UVRAG: variants seen among roughly 807,000 people sequenced by gnomAD.
UVRAG encodes UV radiation resistance-associated gene protein.
A neutral mutation model predicts 78.0 loss-of-function variants in UVRAG; 19 were observed. That is an observed-to-expected ratio of 0.24 (90% CI 0.17 to 0.36). The LOEUF is 0.36. UVRAG is among the 10% of genes least tolerant of loss of function. The pLI, the probability that UVRAG is intolerant of heterozygous loss-of-function variation, is 1.00. For synonymous variants in UVRAG, 323 were observed against 324.6 expected, an observed-to-expected ratio of 1.00 and a Z score of 0.05; for missense variants, 740 against 853.8, an observed-to-expected ratio of 0.87 and a Z score of 1.66.
intron 5 of UVRAG, among the ~76,000 whole-genome samples, chr11:75,893,716 T>C (rs1368767518): frequency 1.4e-5 from 2 of 139,908 alleles, no homozygotes; most frequent in African/African-American, 5.4e-5. Flanking sequence ...GCATGGTACA[T>C]GGCTGTAGTC....
chr11:75,992,711 AT>A (rs1438065859), intron 8 of UVRAG, among the ~76,000 whole-genome samples: 1 of 152,190 alleles, frequency 6.6e-6, no homozygotes, highest in Non-Finnish European at 1.5e-5. Flanking sequence ...TTGTTCTTCA[AT>A]ATTCTATTCT....
intron 13 of UVRAG, among the ~76,000 whole-genome samples, chr11:76,087,951 T>G (rs1013955605): frequency 2.6e-4 from 40 of 152,220 alleles, no homozygotes; most frequent in Non-Finnish European, 1.2e-4. Context: ...CACAGCTCAC[T>G]GCAGCCTAGA....
At chr11:75,853,133 C>A (rs1361474081) in intron 2 of UVRAG, among the ~76,000 whole-genome samples, 2 of 151,992 alleles carry the variant, frequency 1.3e-5, no homozygotes, top group African/African-American at 4.8e-5. Flanking sequence ...GGCTGGTCTC[C>A]AACTCCTGGA....
intron 12 of UVRAG, among the ~76,000 whole-genome samples, chr11:76,063,242 C>T (rs1432437067): frequency 6.6e-6 from 1 of 152,074 alleles, no homozygotes; most frequent in Admixed American, 6.5e-5. Flanking sequence ...CACACATGAA[C>T]CAAGTAATCA....
chr11:75,876,936 G>A (rs1946795150), intron 3 of UVRAG, among the ~76,000 whole-genome samples: 1 of 151,184 alleles, frequency 6.6e-6, no homozygotes, highest in Non-Finnish European at 1.5e-5. Context: ...GTGGAGGGAA[G>A]GTCAGCAGAT....
At chr11:76,049,157 C>A in intron 12 of UVRAG, among the ~76,000 whole-genome samples, 1 of 152,246 alleles carries the variant, frequency 6.6e-6, no homozygotes, top group Non-Finnish European at 1.5e-5. Context: ...CCTGCTGTCT[C>A]TTGAGTGTTC....
chr11:76,117,651 A>G lies in UVRAG; in HGVS notation c.1397+1636A>G, dbSNP rs111894376. Among the ~76,000 whole-genome samples, 239 of 152,310 alleles carry G rather than the reference A, an allele frequency of 1.6e-3. 1 individual carries two copies. The highest frequency in any genetic ancestry group is 5.5e-3 in the African/African-American group (228 of 41,558). ...GTCACTCAAAATTGAACTTATCCTC[A>G]TAATCACAATGTAAACTGGAGAGCC... On this transcript the variant is annotated intron_variant, in intron 14 of 14. Transcript: ENST00000356136.
At chr11:76,030,824 T>A (rs1330145949) in intron 12 of UVRAG, among the ~76,000 whole-genome samples, 1 of 152,216 alleles carries the variant, frequency 6.6e-6, no homozygotes, top group Non-Finnish European at 1.5e-5. Flanking sequence ...TCTTTTGGAT[T>A]CCTGTGAACT....
chr11:76,002,360 A>G (rs942631931), intron 8 of UVRAG, among the ~76,000 whole-genome samples: 1 of 152,026 alleles, frequency 6.6e-6, no homozygotes, highest in Non-Finnish European at 1.5e-5. Context: ...TATTTTTTTT[A>G]ATTTCCTTTC....
intron 1 of UVRAG, among the ~76,000 whole-genome samples, chr11:75,825,133 C>T (rs189989989): frequency 1.0e-3 from 149 of 148,806 alleles, no homozygotes; most frequent in African/African-American, 3.5e-3. Context: ...TTTGAGACAG[C>T]GTTACCCTGT....
At chr11:75,834,188 A>T (rs1945725563) in intron 1 of UVRAG, among the ~76,000 whole-genome samples, 1 of 152,156 alleles carries the variant, frequency 6.6e-6, no homozygotes, top group East Asian at 1.9e-4. Flanking sequence ...TCTAATGTAG[A>T]ACATTTCCAA....
intron 3 of UVRAG, among the ~76,000 whole-genome samples, chr11:75,865,236 G>A (rs950640876): frequency 1.4e-5 from 2 of 142,408 alleles, no homozygotes; most frequent in African/African-American, 5.4e-5. Flanking sequence ...GCGGTGAGCC[G>A]AGATCGTGCT....
chr11:75,824,389 A>T (rs1945464942), intron 1 of UVRAG, among the ~76,000 whole-genome samples: 1 of 148,478 alleles, frequency 6.7e-6, no homozygotes, highest in African/African-American at 2.5e-5. Flanking sequence ...TCCTGTGAAA[A>T]TGAGTTTTTT....
chr11:75,961,524 G>A lies in UVRAG; in HGVS notation c.674G>A (p.Arg225Lys). The A allele has an allele frequency of 6.2e-7, 1 of 1,605,494 alleles. No individual in the cohort carries two copies. Among genetic ancestry groups the A allele is most frequent in the African/African-American group, 1.3e-5 (1 of 74,318 alleles). ...GGAAAGGAAATTGAAGAAAAACTAA[G>A]ACTCACATCTACAAGCAATGAACTG... ...KIGKEIEEKL[R>K]LTSTSNELKK... The change falls in exon 7 of 15, where the codon AGA becomes AAA. Residue 225 changes from arginine (R) to lysine (K), a missense_variant. Physicochemically the swap from Arg to Lys is conservative, Grantham distance 26. Transcript: ENST00000356136.
intron 6 of UVRAG, among the ~76,000 whole-genome samples, chr11:75,919,148 G>A (rs2135058583): frequency 6.6e-6 from 1 of 152,302 alleles, no homozygotes; most frequent in South Asian, 2.1e-4. Flanking sequence ...GAGATGGGAT[G>A]AGAAGTATAA....
At chr11:75,861,455 C>A (rs919860299) in intron 2 of UVRAG, among the ~76,000 whole-genome samples, 3 of 152,140 alleles carry the variant, frequency 2.0e-5, no homozygotes, top group Admixed American at 6.6e-5. Flanking sequence ...AAGGTTGGAG[C>A]TTTTAAGGGC....
intron 4 of UVRAG, among the ~76,000 whole-genome samples, chr11:75,886,280 C>T (rs749225111): frequency 1.3e-5 from 2 of 151,994 alleles, no homozygotes; most frequent in Non-Finnish European, 2.9e-5. Flanking sequence ...TTTGTTTCTC[C>T]CCATACTCTC....
At chr11:76,089,090 C>G (rs1277040411) in intron 13 of UVRAG, among the ~76,000 whole-genome samples, 1 of 152,086 alleles carries the variant, frequency 6.6e-6, no homozygotes, top group African/African-American at 2.4e-5. Context: ...AAGGAATAGC[C>G]TTCCATTTAA....
At chr11:76,052,143 C>T (rs1360878526) in intron 12 of UVRAG, among the ~76,000 whole-genome samples, 1 of 152,212 alleles carries the variant, frequency 6.6e-6, no homozygotes, top group Non-Finnish European at 1.5e-5. Flanking sequence ...CACTATCTGT[C>T]TAACCCACTG....
Sources: allele counts gnomAD v4.1 joint callset (sites outside exome capture counted in the v4.1 genomes callset), GRCh38; gene constraint gnomAD v4.1.1; transcripts MANE v1.5; gene names NCBI Gene and HGNC (gene_info 2026-07-23, HGNC 2026-07-21).